NKAIN2: variants seen among roughly 807,000 people sequenced by gnomAD.
The protein encoded by NKAIN2 is sodium/potassium-transporting ATPase subunit beta-1-interacting protein 2.
In NKAIN2, 14 loss-of-function variants were observed where a neutral mutation model predicts 32.6. That is an observed-to-expected ratio of 0.43 (90% confidence interval 0.28 to 0.67). NKAIN2 has a LOEUF of 0.67. Among genes scored for constraint, NKAIN2 ranks in the 30% least tolerant of loss-of-function variants. The pLI, the probability that NKAIN2 is intolerant of heterozygous loss-of-function variation, is 0.17. For missense variants in NKAIN2, 198 were observed against 258.3 expected, an observed-to-expected ratio of 0.77 and a Z score of 1.60; for synonymous variants, 80 against 87.2, an observed-to-expected ratio of 0.92 and a Z score of 0.46.
At chr6:124,507,777 G>A (rs1778543841) in intron 3 of NKAIN2, among the ~76,000 whole-genome samples, 2 of 152,076 alleles carry the variant, frequency 1.3e-5, no homozygotes, top group Non-Finnish European at 2.9e-5. Context: ...GAACTGTTGA[G>A]TCCCTGCATT....
At chr6:124,512,538 A>G (rs781275591) in intron 3 of NKAIN2, among the ~76,000 whole-genome samples, 6 of 152,184 alleles carry the variant, frequency 3.9e-5, no homozygotes, top group Admixed American at 3.9e-4. Context: ...AAGAAAATTA[A>G]AATAGCTCTA....
chr6:124,355,381 A>G (rs1441215416), intron 3 of NKAIN2, 34 bp downstream of exon 3: 17 of 1,225,896 alleles, frequency 1.4e-5, no homozygotes, highest in Non-Finnish European at 2.4e-6. Context: ...AGTCATCAGT[A>G]GGGTGTTAAC....
chr6:124,244,167 GC>G (rs902508023), intron 1 of NKAIN2, among the ~76,000 whole-genome samples: 2 of 150,590 alleles, frequency 1.3e-5, no homozygotes, highest in African/African-American at 4.9e-5. Context: ...GTATACATGT[GC>G]CATGCTGGTG....
At chr6:124,147,435 A>C (rs555641737) in intron 1 of NKAIN2, among the ~76,000 whole-genome samples, 103 of 152,318 alleles carry the variant, frequency 6.8e-4, no homozygotes, top group African/African-American at 2.3e-3. Flanking sequence ...AAGAAAAAAA[A>C]ATCCACACAG....
intron 4 of NKAIN2, among the ~76,000 whole-genome samples, chr6:124,715,856 AT>A (rs1310280327): frequency 9.2e-5 from 14 of 152,188 alleles, no homozygotes; most frequent in South Asian, 6.2e-4. Context: ...CTCTAGTGCC[AT>A]TTTTTGGCTA....
intron 1 of NKAIN2, among the ~76,000 whole-genome samples, chr6:124,098,196 A>T (rs2114942233): frequency 6.6e-6 from 1 of 152,320 alleles, no homozygotes; most frequent in African/African-American, 2.4e-5. Flanking sequence ...TTATTTTCTG[A>T]CAATTAATAT....
At chr6:124,045,664 C>T (rs1302025872) in intron 1 of NKAIN2, among the ~76,000 whole-genome samples, 1 of 151,922 alleles carries the variant, frequency 6.6e-6, no homozygotes, top group Non-Finnish European at 1.5e-5. Context: ...AGAAATGAAA[C>T]TAAATGGTGA....
intron 1 of NKAIN2, among the ~76,000 whole-genome samples, chr6:123,907,061 G>A (rs112988686): frequency 5.9e-5 from 9 of 152,090 alleles, no homozygotes; most frequent in Non-Finnish European, 1.2e-4. Context: ...GTGAACAGTG[G>A]CAATTTCTAA....
intron 3 of NKAIN2, among the ~76,000 whole-genome samples, chr6:124,589,481 C>T (rs996285282): frequency 3.2e-4 from 48 of 152,020 alleles, no homozygotes; most frequent in African/African-American, 1.1e-3. Flanking sequence ...CATGTTACCT[C>T]AATTGTAAGA....
intron 1 of NKAIN2, chr6:123,828,718 C>T (rs1774249778): frequency 6.6e-6 from 1 of 152,206 alleles, no homozygotes; most frequent in Admixed American, 6.6e-5. Context: ...TCTCAAACTT[C>T]TTCTCATCTC....
At chr6:124,003,761 G>T (rs183481428) in intron 1 of NKAIN2, among the ~76,000 whole-genome samples, 50 of 152,248 alleles carry the variant, frequency 3.3e-4, no homozygotes, top group Admixed American at 9.8e-4. Context: ...TGAACAAAGG[G>T]CACTGCATTC....
At chr6:124,818,500 G>T in intron 6 of NKAIN2, 32 bp downstream of exon 6, 2 of 1,010,108 alleles carry the variant, frequency 2.0e-6, no homozygotes, top group South Asian at 1.5e-5. Flanking sequence ...TACTCTTCTG[G>T]GGTACTAAAG....
In NKAIN2 at chr6:124,818,439, A is replaced by C; in HGVS notation, c.588A>C (p.Thr196=). Residue 196 remains threonine (T), a synonymous_variant, in exon 6 of 7, where the codon ACA becomes ACC. Transcript: ENST00000368417. ...DSYGYQGPQK[T]SHLQLQPMYM... is the part of the protein sequence containing the mutation. ...ATGGCTATCAAGGGCCTCAGAAGACATCTCATTTACAACTACAGCCTATGT... is the reference window on the plus strand; with the variant it reads ...ATGGCTATCAAGGGCCTCAGAAGACCTCTCATTTACAACTACAGCCTATGT... 4 of 1,601,290 alleles carry C rather than the reference A, an allele frequency of 2.5e-6. No homozygotes were observed. Among genetic ancestry groups the C allele is most frequent in the Non-Finnish European group, 3.4e-6 (4 of 1,168,974 alleles).
chr6:124,425,037 A>G (rs946740918), intron 3 of NKAIN2, among the ~76,000 whole-genome samples: 8 of 152,154 alleles, frequency 5.3e-5, no homozygotes, highest in African/African-American at 1.9e-4. Context: ...GAGCCCAGAA[A>G]TAAATCTATA....
At chr6:123,983,483 G>T (rs182589141) in intron 1 of NKAIN2, among the ~76,000 whole-genome samples, 5 of 152,286 alleles carry the variant, frequency 3.3e-5, no homozygotes, top group Non-Finnish European at 5.9e-5. Flanking sequence ...GAGAGAGCTA[G>T]AAAGAGACTT....
intron 1 of NKAIN2, among the ~76,000 whole-genome samples, chr6:124,144,146 A>T (rs1787274193): frequency 6.6e-6 from 1 of 152,222 alleles, no homozygotes; most frequent in Admixed American, 6.5e-5. Context: ...TTGAAATCTG[A>T]AAAGAATTTT....
intron 6 of NKAIN2, among the ~76,000 whole-genome samples, chr6:124,820,192 T>A (rs1050322555): frequency 3.9e-5 from 6 of 152,200 alleles, no homozygotes; most frequent in Non-Finnish European, 8.8e-5. Context: ...TCACACTCTT[T>A]ACCATTCTTC....
At chr6:124,652,482 C>G (rs542649413) in intron 3 of NKAIN2, among the ~76,000 whole-genome samples, 2 of 152,284 alleles carry the variant, frequency 1.3e-5, no homozygotes, top group South Asian at 4.1e-4. Context: ...TCAATCGTTT[C>G]CACATTTTCG....
At chr6:124,181,882 A>G (rs768702473) in intron 1 of NKAIN2, among the ~76,000 whole-genome samples, 1 of 152,124 alleles carries the variant, frequency 6.6e-6, no homozygotes, top group African/African-American at 2.4e-5. Context: ...GAGCCCTTCA[A>G]ACTGTTCCAA....
Sources: allele counts gnomAD v4.1 joint callset (sites outside exome capture counted in the v4.1 genomes callset), GRCh38; gene constraint gnomAD v4.1.1; transcripts MANE v1.5; gene names NCBI Gene and HGNC (gene_info 2026-07-23, HGNC 2026-07-21).